Variants in ABLIM1 observed in about 807,000 individuals in gnomAD.
The protein encoded by ABLIM1 is actin-binding LIM protein 1.
Under a neutral mutation model 107.0 loss-of-function variants are expected in ABLIM1, and 40 were observed. The ratio of observed to expected loss-of-function variants is 0.37; its 90% CI spans 0.29 to 0.49. ABLIM1 has a LOEUF of 0.49. Ranked by LOEUF, ABLIM1 falls within the 20% of genes least tolerant of loss-of-function variation. ABLIM1 has a pLI of 0.97. For synonymous variants in ABLIM1, 357 were observed against 357.3 expected (o/e 1.00, Z 0.01); for missense variants, 857 against 1,008.5 (o/e 0.85, Z 2.04).
In ABLIM1 at chr10:114,436,048, A is replaced by C. The variant is rs1437907955; in HGVS notation, c.*212T>G. ...TGTGGACACTACTCTGTGTTTCGGA[A>C]CATAGAAATTTCTACGCCATGCTTC... On this transcript the variant is annotated 3_prime_UTR_variant, in exon 23 of 23. Transcript: ENST00000533213. 3.6e-6 allele frequency: 2 copies of C among 558,188 alleles called. No individual in the cohort carries two copies. The highest frequency in any genetic ancestry group is 6.4e-6 in the Non-Finnish European group (2 of 311,982). The allele number at this position is 558,188 out of a possible 1,614,324, so 34.6% of individuals were successfully genotyped here. A position where few individuals can be genotyped will look rare whatever the true frequency, so the allele number is the denominator to read the frequency against.
At chr10:114,751,726 G>A (rs2082515529) in intron 1 of ABLIM1, among the ~76,000 whole-genome samples, 1 of 148,642 alleles carries the variant, frequency 6.7e-6, no homozygotes, top group African/African-American at 2.5e-5. Flanking sequence ...CTCCAGCCTG[G>A]TGAAAGAGTC....
At chr10:114,641,770 T>C (rs1035440481) in intron 1 of ABLIM1, among the ~76,000 whole-genome samples, 1 of 152,074 alleles carries the variant, frequency 6.6e-6, no homozygotes, top group Non-Finnish European at 1.5e-5. Context: ...TTCAAGGCAG[T>C]GGAGAGGCTG....
At chr10:114,615,512 C>G (rs574363293) in intron 1 of ABLIM1, 4 of 456,310 alleles carry the variant, frequency 8.8e-6, no homozygotes, top group African/African-American at 7.9e-5. Flanking sequence ...TCTAAACATT[C>G]TATTTCTTTT....
rs537119296 is a variant in ABLIM1, at chr10:114,672,917, T to C, written c.64+11373A>G. 6.6e-5 allele frequency among the ~76,000 whole-genome samples: 10 copies of C among 152,264 alleles called. No individual in the cohort carries two copies. The East Asian group carries it at 1.9e-3, about 29-fold the overall frequency. ...ACCTGTGTTGTAAATAAGATGACCA[T>C]ATGTGAGTGGTATTGTTTATGGATT... On this transcript the variant is annotated intron_variant, in intron 1 of 23. Coordinates refer to the ABLIM1 transcript ENST00000369256.
At chr10:114,486,869 A>G (rs1188566453) in intron 8 of ABLIM1, among the ~76,000 whole-genome samples, 1 of 152,224 alleles carries the variant, frequency 6.6e-6, no homozygotes, top group Non-Finnish European at 1.5e-5. Context: ...AGGAAAAGAA[A>G]AAACAAAAAA....
intron 1 of ABLIM1, among the ~76,000 whole-genome samples, chr10:114,704,711 C>G (rs2081386611): frequency 2.0e-5 from 3 of 152,000 alleles, no homozygotes. Flanking sequence ...GGTCCAAGGC[C>G]TTTTCTCTGG....
intron 1 of ABLIM1, among the ~76,000 whole-genome samples, chr10:114,742,076 T>G (rs1033710609): frequency 6.6e-6 from 1 of 152,208 alleles, no homozygotes; most frequent in Non-Finnish European, 1.5e-5. Context: ...TACTTAAGAA[T>G]TTTTAGGGTA....
At chr10:114,686,256 C>T (rs2141648856), upstream of ABLIM1, among the ~76,000 whole-genome samples, 1 of 152,164 alleles carries the variant, frequency 6.6e-6, no homozygotes, top group East Asian at 1.9e-4. Flanking sequence ...TGCCTGTAAT[C>T]CCAGCAGTTT....
In ABLIM1 at chr10:114,434,280, AACACACAC is replaced by A. The variant is rs58418721; in HGVS notation, c.*1972_*1979del. The A allele has an allele frequency of 0.064, 8,935 of 138,820 alleles. 323 individuals are homozygous for A. The highest frequency in any genetic ancestry group is 0.18 in the East Asian group (804 of 4,552). 8.6% of individuals were successfully genotyped at this position (138,820 alleles called of 1,614,324 possible). On this transcript the variant is annotated 3_prime_UTR_variant, in exon 23 of 23. Transcript: ENST00000533213. The stretch of plus-strand genomic sequence containing the variant: ...ATTTGCTAAACATGTTAGTAGATCC[AACACACAC>A]ACACACACACACACACACACACACA...
intron 12 of ABLIM1, among the ~76,000 whole-genome samples, chr10:114,462,748 AAAT>A (rs1484092169): frequency 1.5e-5 from 2 of 136,910 alleles, no homozygotes; most frequent in East Asian, 2.0e-4. Flanking sequence ...TCCAAAAACA[AAAT>A]AATAATATAT....
At chr10:114,768,014 T>A (rs762140507) in intron 1 of ABLIM1, 21 of 426,704 alleles carry the variant, frequency 4.9e-5, no homozygotes, top group South Asian at 3.2e-4. Context: ...CCGCACCTGT[T>A]CGGCCCGCCG....
intron 1 of ABLIM1, among the ~76,000 whole-genome samples, chr10:114,605,850 A>G (rs1407825096): frequency 6.6e-6 from 1 of 152,190 alleles, no homozygotes; most frequent in Non-Finnish European, 1.5e-5. Context: ...TTTCAGAGTC[A>G]AGCAAAGCAG....
intron 21 of ABLIM1, among the ~76,000 whole-genome samples, chr10:114,438,296 TGTTGC>T (rs772347574): frequency 6.6e-6 from 1 of 152,232 alleles, no homozygotes; most frequent in Non-Finnish European, 1.5e-5. Context: ...GGGCTTGCTC[TGTTGC>T]CCAGGCTGGA....
At chr10:114,645,619 T>C (rs2078980088) in intron 1 of ABLIM1, among the ~76,000 whole-genome samples, 1 of 152,224 alleles carries the variant, frequency 6.6e-6, no homozygotes, top group Admixed American at 6.5e-5. Flanking sequence ...ACCAAGCATG[T>C]TCATCAGACA....
intron 1 of ABLIM1, among the ~76,000 whole-genome samples, chr10:114,736,144 T>C (rs2082174785): frequency 6.6e-6 from 1 of 152,196 alleles, no homozygotes. Flanking sequence ...TCTAGAATCA[T>C]TTCCATAACC....
chr10:114,547,256 G>A (rs1338195971), intron 5 of ABLIM1, among the ~76,000 whole-genome samples: 1 of 152,022 alleles, frequency 6.6e-6, no homozygotes, highest in African/African-American at 2.4e-5. Flanking sequence ...AGTCCTAAAA[G>A]GCCCACAACC....
chr10:114,478,009 A>AT (rs1039910493), intron 8 of ABLIM1, among the ~76,000 whole-genome samples: 6 of 152,230 alleles, frequency 3.9e-5, no homozygotes, highest in Non-Finnish European at 8.8e-5. Context: ...GACGTGAGCC[A>AT]TAACGCCTGG....
intron 4 of ABLIM1, among the ~76,000 whole-genome samples, chr10:114,549,330 C>G (rs947656823): frequency 3.2e-4 from 49 of 152,258 alleles, no homozygotes; most frequent in African/African-American, 1.1e-3. Context: ...GTGCAGTGAG[C>G]TGAGATCATG....
intron 1 of ABLIM1, among the ~76,000 whole-genome samples, chr10:114,691,863 T>G (rs1019212332): frequency 1.3e-5 from 2 of 152,226 alleles, no homozygotes; most frequent in Non-Finnish European, 2.9e-5. Flanking sequence ...ATTTATCAAC[T>G]GTGCTATACC....
Sources: allele counts gnomAD v4.1 joint callset (sites outside exome capture counted in the v4.1 genomes callset), GRCh38; gene constraint gnomAD v4.1.1; transcripts MANE v1.5; gene names NCBI Gene and HGNC (gene_info 2026-07-23, HGNC 2026-07-21).